The following FOCAD variants were observed in gnomAD, a reference collection of about 807,000 sequenced individuals.
FOCAD encodes KIAA1797.
In FOCAD, 198 loss-of-function variants were observed where a neutral mutation model predicts 225.6. The ratio of observed to expected loss-of-function variants is 0.88; its 90% confidence interval spans 0.78 to 0.99. The LOEUF (loss-of-function observed/expected upper bound fraction) is 0.99. Ranked by LOEUF, FOCAD falls within the 50% of genes least tolerant of loss-of-function variation. FOCAD has a pLI of 0.00. For missense variants in FOCAD, 2,713 were observed against 2,123.6 expected, an observed-to-expected ratio of 1.28 and a Z score of -5.46; for synonymous variants, 897 against 755.0, an observed-to-expected ratio of 1.19 and a Z score of -3.08.
chr9:20,865,795 A>G (rs1312084227), intron 16 of FOCAD, 131 bp from the exon 17 acceptor site: 2 of 598,648 alleles, frequency 3.3e-6, no homozygotes, highest in Non-Finnish European at 5.9e-6. Flanking sequence ...ATGGGTGAAT[A>G]CACATTAAGT....
chr9:20,990,978 C>T (rs2132704455), intron 42 of FOCAD, among the ~76,000 whole-genome samples: 1 of 152,246 alleles, frequency 6.6e-6, no homozygotes, highest in Non-Finnish European at 1.5e-5. Flanking sequence ...ATCACCCTTG[C>T]CCTCAGGAAA....
At chr9:20,931,380 C>G (rs1835454737) in intron 27 of FOCAD, among the ~76,000 whole-genome samples, 1 of 152,112 alleles carries the variant, frequency 6.6e-6, no homozygotes, top group South Asian at 2.1e-4. Context: ...GTTAGTAATG[C>G]CATTACTAAC....
intron 28 of FOCAD, among the ~76,000 whole-genome samples, chr9:20,937,709 A>C (rs1564176927): frequency 6.6e-6 from 1 of 151,958 alleles, no homozygotes; most frequent in Non-Finnish European, 1.5e-5. Context: ...CAATGTCAAG[A>C]AAGGCCAAAA....
chr9:20,858,178 C>G (rs1246956020), intron 15 of FOCAD, among the ~76,000 whole-genome samples: 1 of 151,974 alleles, frequency 6.6e-6, no homozygotes, highest in Non-Finnish European at 1.5e-5. Context: ...ATTAGTTCTT[C>G]TTTAAATGTT....
intron 15 of FOCAD, among the ~76,000 whole-genome samples, chr9:20,830,235 G>A (rs1054866303): frequency 4.6e-5 from 7 of 151,844 alleles, no homozygotes; most frequent in Admixed American, 3.3e-4. Context: ...TTTCCTTTGC[G>A]ATTGGTTAAT....
chr9:20,869,369 C>G (rs1189267205), intron 18 of FOCAD, among the ~76,000 whole-genome samples: 1 of 152,128 alleles, frequency 6.6e-6, no homozygotes, highest in Non-Finnish European at 1.5e-5. Context: ...GATATCCTTA[C>G]AAATGTGGCT....
intron 15 of FOCAD, among the ~76,000 whole-genome samples, chr9:20,827,590 T>G (rs1201517490): frequency 6.6e-6 from 1 of 151,860 alleles, no homozygotes; most frequent in Non-Finnish European, 1.5e-5. Context: ...TTTGGGACAG[T>G]GTAGATGAAC....
At chr9:20,680,621 G>A (rs1165663479), upstream of FOCAD, among the ~76,000 whole-genome samples, 1 of 152,172 alleles carries the variant, frequency 6.6e-6, no homozygotes, top group Non-Finnish European at 1.5e-5. Flanking sequence ...TAGGTATGCA[G>A]TAGAAAGAGG....
intron 7 of FOCAD, among the ~76,000 whole-genome samples, chr9:20,765,511 C>T (rs1240223152): frequency 2.0e-5 from 3 of 152,068 alleles, no homozygotes; most frequent in East Asian, 3.9e-4. Context: ...TGAGTGCCAG[C>T]TAGATTCCAG....
At chr9:20,897,042 C>T (rs1338643788) in intron 21 of FOCAD, 2 of 151,800 alleles carry the variant, frequency 1.3e-5, no homozygotes, top group African/African-American at 4.8e-5. Flanking sequence ...TCTTGCAGTT[C>T]TATCAGGTTT....
intron 15 of FOCAD, among the ~76,000 whole-genome samples, chr9:20,840,828 C>G (rs1826449171): frequency 6.6e-6 from 1 of 151,750 alleles, no homozygotes; most frequent in South Asian, 2.1e-4. Flanking sequence ...TTCAGCTTTC[C>G]CTCATTTAAT....
intron 1 of FOCAD, among the ~76,000 whole-genome samples, chr9:20,705,345 A>G (rs901803436): frequency 5.9e-5 from 9 of 152,200 alleles, no homozygotes; most frequent in Non-Finnish European, 2.9e-5. Flanking sequence ...AATCCCAAAT[A>G]TTACATCCTT....
intron 4 of FOCAD, among the ~76,000 whole-genome samples, chr9:20,721,876 TCCCCTC>T (rs1825795346): frequency 1.3e-4 from 1 of 7,638 alleles, no homozygotes; most frequent in Non-Finnish European, 2.9e-4. Context: ...TGCCTTCCCC[TCCCCTC>T]CCCTTCCTCC....
intron 11 of FOCAD, among the ~76,000 whole-genome samples, chr9:20,798,814 A>T (rs1465762307): frequency 6.6e-6 from 1 of 151,798 alleles, no homozygotes; most frequent in East Asian, 1.9e-4. Context: ...GGATTCATTG[A>T]TTTTTTTGAA....
chr9:20,773,297 T>C (rs979593167), intron 8 of FOCAD, among the ~76,000 whole-genome samples: 1 of 152,258 alleles, frequency 6.6e-6, no homozygotes, highest in African/African-American at 2.4e-5. Context: ...ATGAAGCTTA[T>C]GTTTTAGTCA....
intron 2 of FOCAD, among the ~76,000 whole-genome samples, chr9:20,660,668 C>T (rs1019356371): frequency 6.6e-6 from 1 of 152,066 alleles, no homozygotes; most frequent in Non-Finnish European, 1.5e-5. Context: ...CCAACAGTAT[C>T]AATGCCACAG....
At chr9:20,897,246 T>C (rs992330214) in intron 21 of FOCAD, among the ~76,000 whole-genome samples, 1 of 151,802 alleles carries the variant, frequency 6.6e-6, no homozygotes, top group Non-Finnish European at 1.5e-5. Context: ...GCATAGTGTC[T>C]TTCTCTATCC....
chr9:20,866,917 T>TTTAAAAA lies in FOCAD; in HGVS notation c.2107-12_2107-11insTTAAAAA. On this transcript the variant is annotated splice_polypyrimidine_tract_variant and intron_variant, in intron 17 of 43. Transcript: ENST00000338382. ...TTTTTTTTTTTTTTTTTTTTTTTTTTACCCTATCTAGGACCCAATTGTAGC... is the reference window on the plus strand; with the variant it reads ...TTTTTTTTTTTTTTTTTTTTTTTTTTTTAAAAAACCCTATCTAGGACCCAATTGTAGC... 1 of 764,968 alleles carries TTTAAAAA rather than the reference T, an allele frequency of 1.3e-6. No homozygotes were observed. The highest frequency in any genetic ancestry group is 2.0e-6 in the Non-Finnish European group (1 of 498,464). The allele number at this position is 764,968 out of a possible 1,614,324, so 47.4% of individuals were successfully genotyped here.
intron 15 of FOCAD, among the ~76,000 whole-genome samples, chr9:20,857,785 G>GGT (rs1554707737): frequency 1.9e-5 from 2 of 106,044 alleles, no homozygotes; most frequent in African/African-American, 6.0e-5. Flanking sequence ...TTTTTTTTGA[G>GGT]TTTTTTTTTT....
Sources: allele counts gnomAD v4.1 joint callset (sites outside exome capture counted in the v4.1 genomes callset), GRCh38; gene constraint gnomAD v4.1.1; transcripts MANE v1.5; gene names NCBI Gene and HGNC (gene_info 2026-07-23, HGNC 2026-07-21).